Variants in MARCHF3 observed in about 807,000 individuals in gnomAD.
MARCHF3 encodes membrane associated ring-CH-type finger 3.
Under a neutral mutation model 24.2 loss-of-function variants are expected in MARCHF3, and 13 were observed. The ratio of observed to expected loss-of-function variants is 0.54; its 90% CI spans 0.35 to 0.85. The LOEUF is 0.85. Ranked by LOEUF, MARCHF3 falls within the 40% of genes least tolerant of loss-of-function variation. The pLI is 0.01. For missense variants in MARCHF3, 276 were observed against 325.0 expected (o/e 0.85, Z 1.16); for synonymous variants, 144 against 137.3 (o/e 1.05, Z -0.34).
At chr5:127,013,021 T>A (rs1230170104) in intron 1 of MARCHF3, among the ~76,000 whole-genome samples, 1 of 152,170 alleles carries the variant, frequency 6.6e-6, no homozygotes, top group Non-Finnish European at 1.5e-5. Context: ...ATACACCTAT[T>A]TAAGTGAATT....
intron 1 of MARCHF3, among the ~76,000 whole-genome samples, chr5:126,938,222 C>T (rs1749711529): frequency 7.2e-6 from 1 of 139,462 alleles, no homozygotes; most frequent in Non-Finnish European, 1.5e-5. Context: ...GGCTGGGGTA[C>T]AGAGGCTCAA....
intron 1 of MARCHF3, among the ~76,000 whole-genome samples, chr5:127,019,680 G>C (rs1057292248): frequency 6.6e-6 from 1 of 152,200 alleles, no homozygotes; most frequent in Non-Finnish European, 1.5e-5. Context: ...GCAGAGAGAT[G>C]AAAGGACCCT....
chr5:126,897,504 G>A (rs1753962580), intron 3 of MARCHF3, among the ~76,000 whole-genome samples: 1 of 152,034 alleles, frequency 6.6e-6, no homozygotes, highest in Non-Finnish European at 1.5e-5. Context: ...TAGGACAACA[G>A]AATCAAGAAA....
chr5:126,976,167 A>T (rs371886683), intron 1 of MARCHF3, among the ~76,000 whole-genome samples: 1 of 151,988 alleles, frequency 6.6e-6, no homozygotes, highest in Non-Finnish European at 1.5e-5. Context: ...TCTTTTTGTT[A>T]ATCTTTTTTT....
At chr5:126,877,370 G>C (rs1470284710) in intron 4 of MARCHF3, among the ~76,000 whole-genome samples, 1 of 152,178 alleles carries the variant, frequency 6.6e-6, no homozygotes, top group East Asian at 1.9e-4. Flanking sequence ...AGTAATGCCA[G>C]GAAGCAGGGG....
At chr5:126,904,457 A>G (rs1214120241) in intron 3 of MARCHF3, among the ~76,000 whole-genome samples, 1 of 147,258 alleles carries the variant, frequency 6.8e-6, no homozygotes, top group Non-Finnish European at 1.5e-5. Context: ...CTATTTCTCC[A>G]CATCCTCTCC....
At chr5:126,885,475 G>A (rs897735519) in intron 3 of MARCHF3, among the ~76,000 whole-genome samples, 3 of 152,180 alleles carry the variant, frequency 2.0e-5, no homozygotes, top group East Asian at 1.9e-4. Context: ...GCTGAGGCAG[G>A]AGAATCGCTT....
chr5:126,901,169 T>C (rs1331730204), intron 3 of MARCHF3, among the ~76,000 whole-genome samples: 1 of 152,122 alleles, frequency 6.6e-6, no homozygotes, highest in Non-Finnish European at 1.5e-5. Context: ...AAGATGATTA[T>C]ATAAAGTGTA....
intron 1 of MARCHF3, among the ~76,000 whole-genome samples, chr5:126,977,199 C>T (rs932010074): frequency 3.9e-5 from 6 of 152,184 alleles, no homozygotes; most frequent in Non-Finnish European, 7.3e-5. Flanking sequence ...GTTACTGTTG[C>T]CCTGTACAAA....
chr5:126,874,964 C>T (rs1753099667), intron 4 of MARCHF3, among the ~76,000 whole-genome samples: 1 of 152,102 alleles, frequency 6.6e-6, no homozygotes, highest in African/African-American at 2.4e-5. Context: ...GGAACCGGGT[C>T]GCTCATTCAT....
intron 3 of MARCHF3, among the ~76,000 whole-genome samples, chr5:126,905,753 G>C (rs1463720079): frequency 6.6e-6 from 1 of 151,620 alleles, no homozygotes; most frequent in African/African-American, 2.4e-5. Context: ...CAATCATGTC[G>C]TCTGCAAACA....
intron 2 of MARCHF3, 133 bp downstream of exon 2, chr5:126,917,846 CTTTTT>C (rs36120055): frequency 2.9e-6 from 2 of 683,702 alleles, no homozygotes; most frequent in African/African-American, 3.8e-5. Context: ...CTCGTGTAGT[CTTTTT>C]TTTTTTTTTC....
At chr5:127,024,134 G>A (rs562732542) in intron 1 of MARCHF3, among the ~76,000 whole-genome samples, 62 of 152,298 alleles carry the variant, frequency 4.1e-4, no homozygotes, top group Non-Finnish European at 7.5e-4. Context: ...GGTAGTGAGA[G>A]GAGGAGGCAA....
intron 1 of MARCHF3, among the ~76,000 whole-genome samples, chr5:126,963,119 C>T (rs1379871357): frequency 6.6e-6 from 1 of 152,100 alleles, no homozygotes; most frequent in African/African-American, 2.4e-5. Flanking sequence ...GCCTAGTATG[C>T]AGCACTGAGT....
At chr5:127,009,413 G>A (rs1752410991) in intron 1 of MARCHF3, among the ~76,000 whole-genome samples, 1 of 152,140 alleles carries the variant, frequency 6.6e-6, no homozygotes, top group South Asian at 2.1e-4. Flanking sequence ...TCTATTATCA[G>A]AGAGAACTTA....
chr5:126,951,174 G>A (rs1580674413), intron 1 of MARCHF3, among the ~76,000 whole-genome samples: 1 of 152,062 alleles, frequency 6.6e-6, no homozygotes, highest in Non-Finnish European at 1.5e-5. Flanking sequence ...TTTCTATTGC[G>A]ATACACTTTC....
chr5:126,889,635 A>G (rs1753613258), intron 3 of MARCHF3, among the ~76,000 whole-genome samples: 1 of 152,182 alleles, frequency 6.6e-6, no homozygotes, highest in Non-Finnish European at 1.5e-5. Context: ...GACCATGAAA[A>G]CAGAGGAACT....
At chr5:126,922,377 G>A (rs1024383836) in intron 1 of MARCHF3, among the ~76,000 whole-genome samples, 1 of 152,150 alleles carries the variant, frequency 6.6e-6, no homozygotes, top group Non-Finnish European at 1.5e-5. Flanking sequence ...TGTTTGTGAG[G>A]TCTAAAACAA....
At chr5:126,879,816 T>G (rs1261226256) in intron 3 of MARCHF3, among the ~76,000 whole-genome samples, 2 of 151,880 alleles carry the variant, frequency 1.3e-5, no homozygotes, top group Non-Finnish European at 2.9e-5. Context: ...ACACAGACGA[T>G]GGGGTTGGGG....
Sources: gnomAD v4.1 joint callset for allele counts (sites outside exome capture counted in the v4.1 genomes callset) on GRCh38, gnomAD v4.1.1 for gene constraint, MANE v1.5 for transcripts, NCBI Gene and HGNC (gene_info 2026-07-23, HGNC 2026-07-21) for gene names.